The following NXPE4 variants were observed in gnomAD, a reference collection of about 807,000 sequenced individuals.
NXPE4 encodes NXPE family member 4.
NXPE4 carries 42 observed loss-of-function variants against 33.3 expected under a neutral mutation model. The observed-to-expected ratio is 1.26, with a 90% CI of 0.98 to 1.63. The LOEUF (loss-of-function observed/expected upper bound fraction) is 1.63, where lower values mean the gene tolerates loss of function less well. NXPE4 is among the 40% of genes most tolerant of loss of function. The pLI, the probability that NXPE4 is intolerant of heterozygous loss-of-function variation, is 0.00. For missense variants in NXPE4, 709 were observed against 647.6 expected, an observed-to-expected ratio of 1.09 and a Z score of -1.03; for synonymous variants, 253 against 234.9, an observed-to-expected ratio of 1.08 and a Z score of -0.71.
the NXPE4 span, among the ~76,000 whole-genome samples, chr11:114,620,117 T>C: frequency 1.3e-5 from 2 of 151,666 alleles, no homozygotes; most frequent in African/African-American, 4.9e-5. Flanking sequence ...CAGTGGATAA[T>C]ACGTATTTCC....
chr11:114,584,070 GC>G, intron 2 of NXPE4: 1 of 310,800 alleles, frequency 3.2e-6, no homozygotes, highest in South Asian at 3.1e-5. Context: ...CACTTAGATT[GC>G]TTTAATCTGA....
chr11:114,618,362 G>A, the NXPE4 span, among the ~76,000 whole-genome samples: 1 of 151,686 alleles, frequency 6.6e-6, no homozygotes, highest in South Asian at 2.1e-4. Context: ...AATAATAAGT[G>A]TTGCCTCATG....
At chr11:114,653,380 CA>C in the NXPE4 span, among the ~76,000 whole-genome samples, 4 of 152,118 alleles carry the variant, frequency 2.6e-5, no homozygotes, top group Non-Finnish European at 5.9e-5. Flanking sequence ...GTTGTATAGA[CA>C]ATAAACCATC....
In NXPE4 at chr11:114,590,391, T is replaced by G. The variant is rs1428082511; in HGVS notation, c.96+4273A>C. On this transcript the variant is annotated intron_variant, in intron 2 of 5. Transcript: ENST00000375478. ...ATTAAGCCCATTTCCTCCTTCCCCC[T>G]CCCTAAAATCCTCAAGCAACTGACA... Among the ~76,000 whole-genome samples the G allele has an allele frequency of 2.0e-5, 3 of 152,130 alleles. No individual in the cohort carries two copies. The East Asian group carries it at 5.8e-4, about 29-fold the overall frequency.
upstream of NXPE4, chr11:114,595,832 C>T (rs186795586): frequency 3.9e-5 from 6 of 152,404 alleles, no homozygotes; most frequent in East Asian, 1.1e-3. Context: ...GGATCACAAA[C>T]TGTAGTTATT....
the NXPE4 span, among the ~76,000 whole-genome samples, chr11:114,611,942 G>T: frequency 1.3e-5 from 2 of 151,922 alleles, no homozygotes; most frequent in Non-Finnish European, 2.9e-5. Flanking sequence ...GGTAACCACT[G>T]TTACCTGGTA....
At chr11:114,622,788 G>A in the NXPE4 span, among the ~76,000 whole-genome samples, 1 of 152,074 alleles carries the variant, frequency 6.6e-6, no homozygotes, top group Non-Finnish European at 1.5e-5. Flanking sequence ...CTGCTGCCTT[G>A]TGGATAATTA....
the NXPE4 span, among the ~76,000 whole-genome samples, chr11:114,675,682 T>C: frequency 1.3e-5 from 2 of 151,898 alleles, no homozygotes; most frequent in Non-Finnish European, 2.9e-5. Context: ...GCCCAAAACA[T>C]TCTACAGATT....
chr11:114,576,545 T>C (rs965305119), intron 5 of NXPE4, among the ~76,000 whole-genome samples: 1 of 151,882 alleles, frequency 6.6e-6, no homozygotes, highest in Non-Finnish European at 1.5e-5. Context: ...TAGACATGAA[T>C]AGACAATTCT....
At chr11:114,584,878 T>A (rs1949253888) in intron 2 of NXPE4, among the ~76,000 whole-genome samples, 1 of 152,160 alleles carries the variant, frequency 6.6e-6, no homozygotes, top group African/African-American at 2.4e-5. Flanking sequence ...TGATCTCTTC[T>A]AGGAAATGCC....
At chr11:114,610,422 G>T in the NXPE4 span, among the ~76,000 whole-genome samples, 1 of 151,958 alleles carries the variant, frequency 6.6e-6, no homozygotes, top group Non-Finnish European at 1.5e-5. Context: ...AATACCTATT[G>T]CCTCTCGGGT....
At chr11:114,652,363 G>C in the NXPE4 span, among the ~76,000 whole-genome samples, 1 of 152,216 alleles carries the variant, frequency 6.6e-6, no homozygotes, top group South Asian at 2.1e-4. Flanking sequence ...CTGTGCCTAA[G>C]CTTGAAACTC....
chr11:114,594,838 A>G, intron 1 of NXPE4, 69 bp from the exon 2 acceptor site: 1 of 835,478 alleles, frequency 1.2e-6, no homozygotes, highest in Non-Finnish European at 1.9e-6. Flanking sequence ...AAACATGGGA[A>G]ACATTTGAAA....
At chr11:114,615,256 A>G in the NXPE4 span, among the ~76,000 whole-genome samples, 2 of 151,980 alleles carry the variant, frequency 1.3e-5, no homozygotes, top group African/African-American at 4.8e-5. Context: ...CCAGTGGATT[A>G]TAAGTATTTC....
Position 114,571,420 on chromosome 11 carries a change from C to A in NXPE4, c.1153G>T (p.Val385Leu), listed in dbSNP as rs1948883190. 1.9e-6 allele frequency: 3 copies of A among 1,612,092 alleles called. No homozygotes were observed. The South Asian group carries it at 3.3e-5, about 18-fold the overall frequency. The change falls in exon 6 of 6, where the codon GTG becomes TTG. Residue 385 changes from valine (V) to leucine (L), a missense_variant. Physicochemically the swap from Val to Leu is conservative, Grantham distance 32. Coordinates refer to ENST00000375478, the MANE Select transcript of NXPE4 (RefSeq NM_001077639.2). Reference sequence around the variant, plus strand: ...ATGTTGATGTTCCTATCCAAATCCACAGCAAGCTGGTGTTGCAATTTTCCA... The same window carrying A: ...ATGTTGATGTTCCTATCCAAATCCAAAGCAAGCTGGTGTTGCAATTTTCCA... ...ESGKLQHQLA[V>L]DLDRNINIQW...
chr11:114,643,038 G>T, the NXPE4 span, among the ~76,000 whole-genome samples: 3 of 152,002 alleles, frequency 2.0e-5, no homozygotes, highest in African/African-American at 2.4e-5. Flanking sequence ...TTTAATGTTT[G>T]TTGGCTGCAT....
the NXPE4 span, among the ~76,000 whole-genome samples, chr11:114,606,794 T>C: frequency 4.6e-5 from 7 of 151,890 alleles, no homozygotes; most frequent in Non-Finnish European, 1.0e-4. Context: ...CGATAATAGG[T>C]ATTGCTTGTA....
At chr11:114,601,636 AT>A in the NXPE4 span, among the ~76,000 whole-genome samples, 1 of 63,834 alleles carries the variant, frequency 1.6e-5, no homozygotes, top group South Asian at 4.1e-4. Flanking sequence ...ATTATTTATA[AT>A]TATATATAAT....
chr11:114,655,882 C>T, the NXPE4 span, among the ~76,000 whole-genome samples: 1 of 152,168 alleles, frequency 6.6e-6, no homozygotes, highest in African/African-American at 2.4e-5. Context: ...CAAGGATGCC[C>T]TCTCTCATCA....
Sources: allele counts gnomAD v4.1 joint callset (sites outside exome capture counted in the v4.1 genomes callset), GRCh38; gene constraint gnomAD v4.1.1; transcripts MANE v1.5; gene names NCBI Gene and HGNC (gene_info 2026-07-23, HGNC 2026-07-21).